The following PCNX1 variants were observed in gnomAD, a reference collection of about 807,000 sequenced individuals.
The protein encoded by PCNX1 is pecanex 1, also known as pecanex-like protein 1.
A neutral mutation model predicts 242.2 loss-of-function variants in PCNX1; 78 were observed. That is an observed-to-expected ratio of 0.32 (90% CI 0.27 to 0.39). The LOEUF (loss-of-function observed/expected upper bound fraction) is 0.39, where lower values mean the gene tolerates loss of function less well. PCNX1 is among the 10% of genes least tolerant of loss of function. The probability of loss-of-function intolerance (pLI) is 1.00; values close to 1 mark genes in which losing one functional copy is unlikely to be tolerated. For synonymous variants in PCNX1, 1,024 were observed against 1,032.9 expected, an observed-to-expected ratio of 0.99 and a Z score of 0.17; for missense variants, 2,581 against 2,856.5, an observed-to-expected ratio of 0.90 and a Z score of 2.20.
Position 71,108,846 on chromosome 14 carries a change from G to A in PCNX1, c.6544G>A (p.Gly2182Ser), listed in dbSNP as rs775426657. The change falls in exon 34 of 36, where the codon GGC becomes AGC. Residue 2182 changes from glycine (G) to serine (S), a missense_variant. Physicochemically the swap from Gly to Ser is moderately conservative, Grantham distance 56. This residue lies in a region of PCNX1 where 432 missense variants were observed against 433.6 expected (regional missense o/e 1.00). Transcript: ENST00000304743. ...CCAAATGGAACCCTCAGGTCAGAGC[G>A]GCCTGGCCTGTGTGCAGCACGGCCT... is the stretch of plus-strand genomic sequence containing the variant. ...VNQMEPSGQS[G>S]LACVQHGLPS... 3.7e-5 allele frequency: 60 copies of A among 1,614,100 alleles called. No individual in the cohort carries two copies. Among genetic ancestry groups the A allele is most frequent in the African/African-American group, 1.2e-4 (9 of 74,930 alleles).
At chr14:70,949,269 GCACACACGTGTATACA>G (rs1351470940) in intron 2 of PCNX1, among the ~76,000 whole-genome samples, 3 of 27,840 alleles carry the variant, frequency 1.1e-4, no homozygotes, top group African/African-American at 3.0e-4. Context: ...ACACGTGTAT[GCACACACGTGTATACA>G]CACACGTGTG....
At chr14:70,919,456 G>C (rs2056282431) in intron 1 of PCNX1, among the ~76,000 whole-genome samples, 1 of 152,086 alleles carries the variant, frequency 6.6e-6, no homozygotes, top group African/African-American at 2.4e-5. Flanking sequence ...TGATTTTCCT[G>C]TGTCTCTTAG....
intron 5 of PCNX1, among the ~76,000 whole-genome samples, chr14:70,972,076 G>T (rs2058558209): frequency 6.6e-6 from 1 of 152,190 alleles, no homozygotes; most frequent in Non-Finnish European, 1.5e-5. Context: ...ACACAGATCA[G>T]AGTAGTGAGA....
At chr14:71,101,943 G>C in intron 30 of PCNX1, 47 bp from the exon 31 acceptor site, 1 of 1,103,076 alleles carries the variant, frequency 9.1e-7, no homozygotes, top group Non-Finnish European at 1.3e-6. Flanking sequence ...GAAGTTATCA[G>C]TTCTTTTATT....
At chr14:70,914,526 A>AT (rs892640248) in intron 1 of PCNX1, among the ~76,000 whole-genome samples, 7 of 152,116 alleles carry the variant, frequency 4.6e-5, no homozygotes, top group East Asian at 1.9e-4. Context: ...GAAAGTTTCT[A>AT]TTTTTTTTCT....
chr14:71,027,052 A>G (rs2060260866), intron 15 of PCNX1, 170 bp downstream of exon 15: 1 of 461,992 alleles, frequency 2.2e-6, no homozygotes, highest in Admixed American at 3.9e-5. Flanking sequence ...GTGGATAGGA[A>G]AAAATAGTCA....
chr14:70,908,548 T>C (rs1197441763), intron 1 of PCNX1, among the ~76,000 whole-genome samples: 2 of 152,198 alleles, frequency 1.3e-5, no homozygotes, highest in Non-Finnish European at 1.5e-5. Context: ...TCCGAGTGTG[T>C]GTGGGGGTCG....
intron 16 of PCNX1, chr14:71,031,835 C>CGTCTGGCTTCAGGTA (rs2060394266): frequency 6.7e-7 from 1 of 1,490,828 alleles, no homozygotes; most frequent in East Asian, 2.3e-5. Flanking sequence ...ATGGTGGCAT[C>CGTCTGGCTTCAGGTA]GTCTGGCTTC....
intron 4 of PCNX1, 141 bp from the exon 5 acceptor site, chr14:70,968,880 A>G (rs781721603): frequency 1.6e-5 from 9 of 574,340 alleles, no homozygotes; most frequent in African/African-American, 9.4e-5. Flanking sequence ...TGCATCTTCC[A>G]TTATTGTAAC....
intron 10 of PCNX1, chr14:71,011,957 T>C (rs376998816): frequency 5.8e-6 from 1 of 171,490 alleles, no homozygotes; most frequent in East Asian, 1.8e-4. Context: ...ATGATTGTTT[T>C]ATTGTTTTCT....
At chr14:71,107,288 C>CT (rs1340942183) in intron 33 of PCNX1, among the ~76,000 whole-genome samples, 2 of 151,886 alleles carry the variant, frequency 1.3e-5, no homozygotes, top group Non-Finnish European at 2.9e-5. Context: ...GTGAAGAGAC[C>CT]TGATAGATCA....
chr14:71,002,439 T>C (rs1055635623), intron 8 of PCNX1, among the ~76,000 whole-genome samples: 1 of 152,212 alleles, frequency 6.6e-6, no homozygotes, highest in South Asian at 2.1e-4. Context: ...TTAACAGATG[T>C]GTATACCCGT....
intron 7 of PCNX1, among the ~76,000 whole-genome samples, chr14:70,990,267 A>G (rs1566666832): frequency 1.3e-5 from 2 of 151,970 alleles, no homozygotes. Context: ...TTAAAAAAAA[A>G]TAATAATAAA....
At chr14:71,027,786 T>G (rs2060277127) in intron 15 of PCNX1, among the ~76,000 whole-genome samples, 1 of 151,954 alleles carries the variant, frequency 6.6e-6, no homozygotes, top group East Asian at 1.9e-4. Flanking sequence ...TGAAGGGGTA[T>G]GAATTAAGAC....
intron 16 of PCNX1, 89 bp downstream of exon 16, chr14:71,028,880 C>G: frequency 1.4e-6 from 1 of 692,252 alleles, no homozygotes; most frequent in East Asian, 2.9e-5. Flanking sequence ...GATTTCTTCC[C>G]CTGGTATCGC....
intron 28 of PCNX1, among the ~76,000 whole-genome samples, chr14:71,079,302 A>G (rs1307252514): frequency 1.3e-5 from 2 of 152,228 alleles, no homozygotes; most frequent in South Asian, 2.1e-4. Flanking sequence ...GCTGCAATAA[A>G]TATACATGTG....
chr14:71,049,584 T>C (rs1208787875), intron 22 of PCNX1, among the ~76,000 whole-genome samples: 1 of 152,218 alleles, frequency 6.6e-6, no homozygotes, highest in Admixed American at 6.5e-5. Flanking sequence ...GAGTCATTGC[T>C]TTTAAGTCAT....
chr14:71,057,487 T>G lies in PCNX1; in HGVS notation c.4637-22T>G, dbSNP rs762210097. 6 of 1,555,204 alleles carry G rather than the reference T, an allele frequency of 3.9e-6. 1 individual carries two copies. Among genetic ancestry groups the G allele is most frequent in the Admixed American group, 1.7e-5 (1 of 57,560 alleles). On this transcript the variant is annotated intron_variant, in intron 25 of 35. Coordinates refer to ENST00000304743, the MANE Select transcript of PCNX1 (RefSeq NM_014982.3). ...GAGGACTTAAGGTTAAATTTAACTT[T>G]TTTTAAAATCTCTTTTTATAGGATC...
rs113769570 is a variant in PCNX1 at position 70,951,383 on chromosome 14, G to T, written c.362+4260G>T. 3.4e-4 allele frequency among the ~76,000 whole-genome samples: 52 copies of T among 151,818 alleles called. 3 individuals are homozygous for T. The highest frequency in any genetic ancestry group is 1.4e-3 in the East Asian group (7 of 5,166). On this transcript the variant is annotated intron_variant, in intron 2 of 35. Transcript: ENST00000304743. The stretch of plus-strand genomic sequence containing the variant: ...TTTTTTGGGGGGCGGGGGTTGGTTG[G>T]TTGTTTGTTTTGAGATGGAGTCTTG...
Sources: allele counts gnomAD v4.1 joint callset (sites outside exome capture counted in the v4.1 genomes callset), GRCh38; gene constraint gnomAD v4.1.1; regional missense constraint gnomAD v4.1.1; transcripts MANE v1.5; gene names NCBI Gene and HGNC (gene_info 2026-07-23, HGNC 2026-07-21).